The following PPP3CA variants were observed in gnomAD, a reference collection of about 807,000 sequenced individuals.
PPP3CA encodes protein phosphatase 3 catalytic subunit alpha, also known as CAM-PRP catalytic subunit.
A neutral mutation model predicts 66.5 loss-of-function variants in PPP3CA; 14 were observed. The ratio of observed to expected loss-of-function variants is 0.21; its 90% CI spans 0.14 to 0.33. The LOEUF (loss-of-function observed/expected upper bound fraction) is 0.33, where lower values mean the gene tolerates loss of function less well. Ranked by LOEUF, PPP3CA falls within the 10% of genes least tolerant of loss-of-function variation. The pLI, the probability that PPP3CA is intolerant of heterozygous loss-of-function variation, is 1.00. For synonymous variants in PPP3CA, 232 were observed against 226.2 expected (o/e 1.03, Z -0.23); for missense variants, 317 against 639.5 (o/e 0.50, Z 5.44).
At chr4:101,323,990 G>A (rs916191157) in intron 1 of PPP3CA, among the ~76,000 whole-genome samples, 1 of 152,094 alleles carries the variant, frequency 6.6e-6, no homozygotes, top group African/African-American at 2.4e-5. Context: ...GCACACACTT[G>A]TAATCCCAGC....
At chr4:101,140,621 TAAG>T (rs1432766270) in intron 2 of PPP3CA, among the ~76,000 whole-genome samples, 1 of 152,176 alleles carries the variant, frequency 6.6e-6, no homozygotes, top group Non-Finnish European at 1.5e-5. Context: ...TATTTTTACT[TAAG>T]AAGAAGAAAC....
At chr4:101,157,096 A>C (rs1723348469) in intron 2 of PPP3CA, among the ~76,000 whole-genome samples, 1 of 152,190 alleles carries the variant, frequency 6.6e-6, no homozygotes, top group African/African-American at 2.4e-5. Flanking sequence ...CGGTTTGTGA[A>C]AGCAATTCAC....
intron 12 of PPP3CA, among the ~76,000 whole-genome samples, chr4:101,031,995 A>G (rs561999233): frequency 6.6e-6 from 1 of 152,362 alleles, no homozygotes; most frequent in East Asian, 1.9e-4. Flanking sequence ...TAGGCAACCT[A>G]AATGAGTTGT....
intron 2 of PPP3CA, among the ~76,000 whole-genome samples, chr4:101,193,337 A>C (rs971858168): frequency 1.3e-5 from 2 of 152,340 alleles, no homozygotes; most frequent in Admixed American, 6.5e-5. Flanking sequence ...GAATACAAAG[A>C]TAAGTTCAAC....
chr4:101,116,963 G>C (rs1315672443), intron 2 of PPP3CA, among the ~76,000 whole-genome samples: 1 of 151,128 alleles, frequency 6.6e-6, no homozygotes, highest in Non-Finnish European at 1.5e-5. Flanking sequence ...CACTTTTTTG[G>C]TAATAAAAAA....
chr4:101,270,429 T>C (rs1012096434), intron 1 of PPP3CA, among the ~76,000 whole-genome samples: 3 of 152,120 alleles, frequency 2.0e-5, no homozygotes, highest in African/African-American at 7.2e-5. Flanking sequence ...GACATATGCA[T>C]GATGCCATAC....
chr4:101,133,692 C>T (rs1234218526), intron 2 of PPP3CA, among the ~76,000 whole-genome samples: 1 of 152,138 alleles, frequency 6.6e-6, no homozygotes, highest in Admixed American at 6.5e-5. Context: ...AGATTCAATG[C>T]TATTCCCATT....
At chr4:101,292,557 A>G (rs971827105) in intron 1 of PPP3CA, among the ~76,000 whole-genome samples, 2 of 152,232 alleles carry the variant, frequency 1.3e-5, no homozygotes, top group Non-Finnish European at 2.9e-5. Flanking sequence ...TAATTACTTT[A>G]GAGCTCTACT....
At chr4:101,075,895 C>T (rs1729167181) in intron 8 of PPP3CA, among the ~76,000 whole-genome samples, 1 of 152,112 alleles carries the variant, frequency 6.6e-6, no homozygotes, top group African/African-American at 2.4e-5. Flanking sequence ...GATTATTAAG[C>T]ACACTAGGTT....
intron 3 of PPP3CA, among the ~76,000 whole-genome samples, chr4:101,104,416 G>C (rs890443585): frequency 6.6e-6 from 1 of 151,896 alleles, no homozygotes; most frequent in Non-Finnish European, 1.5e-5. Context: ...TTCATGCATG[G>C]GTGAATATAA....
intron 10 of PPP3CA, among the ~76,000 whole-genome samples, chr4:101,050,210 C>T (rs75717876): frequency 8.9e-4 from 135 of 152,100 alleles, no homozygotes; most frequent in African/African-American, 2.7e-3. Context: ...TTGCAACAGA[C>T]GCATAGTAAA....
At chr4:101,177,859 T>C (rs953104305) in intron 2 of PPP3CA, among the ~76,000 whole-genome samples, 6 of 151,846 alleles carry the variant, frequency 4.0e-5, no homozygotes, top group African/African-American at 1.5e-4. Context: ...CCTATAACAA[T>C]GACTATCATT....
At chr4:101,308,098 T>G (rs1028807688) in intron 1 of PPP3CA, among the ~76,000 whole-genome samples, 2 of 152,196 alleles carry the variant, frequency 1.3e-5, no homozygotes, top group Admixed American at 1.3e-4. Context: ...CAGTACACTT[T>G]ATAATGACTC....
chr4:101,164,518 T>C (rs1723625322), intron 2 of PPP3CA, among the ~76,000 whole-genome samples: 1 of 151,960 alleles, frequency 6.6e-6, no homozygotes, highest in Non-Finnish European at 1.5e-5. Flanking sequence ...TAAGGTCCTA[T>C]CAGTTCTGTA....
chr4:101,339,031 A>C (rs1729724449), intron 1 of PPP3CA, among the ~76,000 whole-genome samples: 1 of 152,236 alleles, frequency 6.6e-6, no homozygotes, highest in African/African-American at 2.4e-5. Flanking sequence ...TGAGAATCTA[A>C]GGAGACAGCA....
chr4:101,140,907 G>A (rs1242271655), intron 2 of PPP3CA, among the ~76,000 whole-genome samples: 1 of 152,120 alleles, frequency 6.6e-6, no homozygotes, highest in Non-Finnish European at 1.5e-5. Context: ...AAGTAAATTA[G>A]TGGGGATTTG....
At chr4:101,205,329 T>G (rs563192601) in intron 1 of PPP3CA, among the ~76,000 whole-genome samples, 1 of 152,226 alleles carries the variant, frequency 6.6e-6, no homozygotes, top group Admixed American at 6.5e-5. Flanking sequence ...AAAATTTATT[T>G]ATTTATTTAT....
At chr4:101,098,163 G>A (rs1730283101) in intron 5 of PPP3CA, among the ~76,000 whole-genome samples, 5 of 152,106 alleles carry the variant, frequency 3.3e-5, no homozygotes, top group African/African-American at 1.2e-4. Context: ...GACCAACCCT[G>A]AGGTTGTAGA....
rs1729294024 is a variant in PPP3CA, at chr4:101,329,094, G to A, written c.58+17645C>T. Among the ~76,000 whole-genome samples, 3 of 152,266 alleles carry A rather than the reference G, an allele frequency of 2.0e-5. No individual in the cohort carries two copies. In the South Asian group the frequency reaches 6.2e-4, roughly 32 times the overall value. ...TCATGCAAGGCATATCAAAAGTGGAGACAGGCCCAAAGCTAGGCCTCTTGC... is the reference window on the plus strand; with the variant it reads ...TCATGCAAGGCATATCAAAAGTGGAAACAGGCCCAAAGCTAGGCCTCTTGC... On this transcript the variant is annotated intron_variant, in intron 1 of 13. Transcript: ENST00000394854.
Sources: gnomAD v4.1 joint callset for allele counts (sites outside exome capture counted in the v4.1 genomes callset) on GRCh38, gnomAD v4.1.1 for gene constraint, MANE v1.5 for transcripts, NCBI Gene and HGNC (gene_info 2026-07-23, HGNC 2026-07-21) for gene names.